KHDRBS2: variants seen among roughly 807,000 people sequenced by gnomAD.
The protein encoded by KHDRBS2 is KH RNA binding domain containing, signal transduction associated 2, also known as KH domain-containing, RNA-binding, signal transduction-associated protein 2.
Under a neutral mutation model 44.3 loss-of-function variants are expected in KHDRBS2, and 26 were observed. The ratio of observed to expected loss-of-function variants is 0.59; its 90% confidence interval spans 0.43 to 0.81. The LOEUF (loss-of-function observed/expected upper bound fraction) is 0.81. Among genes scored for constraint, KHDRBS2 ranks in the 40% least tolerant of loss-of-function variants. The pLI, the probability that KHDRBS2 is intolerant of heterozygous loss-of-function variation, is 0.00. For missense variants in KHDRBS2, 476 were observed against 433.1 expected (o/e 1.10, Z -0.88); for synonymous variants, 194 against 151.1 (o/e 1.28, Z -2.08).
chr6:61,770,973 C>A (rs1212843872), intron 6 of KHDRBS2, among the ~76,000 whole-genome samples: 1 of 152,190 alleles, frequency 6.6e-6, no homozygotes, highest in Non-Finnish European at 1.5e-5. Flanking sequence ...GCCCATCAGA[C>A]TAACAGCGGA....
chr6:61,546,476 T>A, the KHDRBS2 span, among the ~76,000 whole-genome samples: 1 of 152,120 alleles, frequency 6.6e-6, no homozygotes, highest in Middle Eastern at 3.2e-3. Flanking sequence ...AAACCAATTT[T>A]ACCATAGGCT....
intron 2 of KHDRBS2, among the ~76,000 whole-genome samples, chr6:62,083,294 G>A (rs1365961152): frequency 6.6e-6 from 1 of 152,042 alleles, no homozygotes; most frequent in Non-Finnish European, 1.5e-5. Context: ...GTTCAGCCAG[G>A]GACAGCCATA....
chr6:61,791,033 T>G (rs1784557515), intron 6 of KHDRBS2, among the ~76,000 whole-genome samples: 2 of 151,490 alleles, frequency 1.3e-5, no homozygotes, highest in South Asian at 4.1e-4. Flanking sequence ...TAATCTAAAT[T>G]TTCATATTTA....
rs1795643802 is a variant in KHDRBS2, at chr6:62,073,415, A to AT, written c.220-25422dup. ...AGGTTACTACTAATGTCCCAGTTTCATTTTTTATTTTAGTAGTTTTGTTTT... is the reference window on the plus strand; with the variant it reads ...AGGTTACTACTAATGTCCCAGTTTCATTTTTTTATTTTAGTAGTTTTGTTTT... On this transcript the variant is annotated intron_variant, in intron 2 of 8. Transcript: ENST00000281156. 7.3e-5 allele frequency among the ~76,000 whole-genome samples: 11 copies of AT among 150,546 alleles called. No individual in the cohort carries two copies. In the South Asian group the frequency reaches 2.1e-3, roughly 29 times the overall value.
At chr6:61,996,164 A>T (rs1316918010) in intron 3 of KHDRBS2, among the ~76,000 whole-genome samples, 1 of 152,212 alleles carries the variant, frequency 6.6e-6, no homozygotes. Context: ...AAGTGTTAAA[A>T]ATGTTTTAAT....
the KHDRBS2 span, among the ~76,000 whole-genome samples, chr6:61,590,513 TC>T: frequency 6.6e-6 from 1 of 152,158 alleles, no homozygotes; most frequent in Admixed American, 6.6e-5. Context: ...TATTAAAGAC[TC>T]AAACATGATA....
chr6:62,102,989 C>T (rs1261778273), intron 2 of KHDRBS2, among the ~76,000 whole-genome samples: 1 of 152,164 alleles, frequency 6.6e-6, no homozygotes, highest in African/African-American at 2.4e-5. Flanking sequence ...GTGTACCTCC[C>T]TTCCACAGGC....
chr6:61,770,881 T>C (rs1433434866), intron 6 of KHDRBS2, among the ~76,000 whole-genome samples: 1 of 152,018 alleles, frequency 6.6e-6, no homozygotes, highest in Non-Finnish European at 1.5e-5. Context: ...AGACACATAA[T>C]TGTCAGGTTC....
intron 1 of KHDRBS2, among the ~76,000 whole-genome samples, chr6:62,230,989 T>C (rs16882384): frequency 0.013 from 2,024 of 152,328 alleles, 43 homozygotes; most frequent in African/African-American, 0.046. Flanking sequence ...AGTACTAAGT[T>C]TGAACTTTAA....
intron 2 of KHDRBS2, among the ~76,000 whole-genome samples, chr6:62,122,084 G>T (rs1807795295): frequency 6.6e-6 from 1 of 152,090 alleles, no homozygotes; most frequent in Non-Finnish European, 1.5e-5. Flanking sequence ...TTTGAGTGGG[G>T]TCCAGAACAG....
intron 4 of KHDRBS2, among the ~76,000 whole-genome samples, chr6:61,915,862 A>G (rs1806897466): frequency 6.6e-6 from 1 of 151,906 alleles, no homozygotes; most frequent in Non-Finnish European, 1.5e-5. Context: ...TAAACACCTC[A>G]ATTTTACTCA....
chr6:61,790,134 T>C (rs1784409861), intron 6 of KHDRBS2, among the ~76,000 whole-genome samples: 1 of 151,338 alleles, frequency 6.6e-6, no homozygotes, highest in Non-Finnish European at 1.5e-5. Context: ...ATGAAAAACG[T>C]GTTTTCCATT....
At chr6:62,146,264 T>G (rs1296393199) in intron 2 of KHDRBS2, among the ~76,000 whole-genome samples, 1 of 151,878 alleles carries the variant, frequency 6.6e-6, no homozygotes, top group African/African-American at 2.4e-5. Flanking sequence ...CTGCTATAGC[T>G]TTTAAACTTT....
chr6:61,599,468 C>G, the KHDRBS2 span, among the ~76,000 whole-genome samples: 14 of 151,830 alleles, frequency 9.2e-5, no homozygotes, highest in Admixed American at 7.9e-4. Context: ...GTAGCCCCCC[C>G]AAAAAATTTT....
chr6:61,995,230 G>T (rs1776950630), intron 3 of KHDRBS2, among the ~76,000 whole-genome samples: 1 of 152,030 alleles, frequency 6.6e-6, no homozygotes, highest in African/African-American at 2.4e-5. Context: ...ATCACAAAAG[G>T]TACAATTAAT....
intron 1 of KHDRBS2, among the ~76,000 whole-genome samples, chr6:62,234,173 T>C (rs867509101): frequency 1.3e-5 from 2 of 152,266 alleles, no homozygotes; most frequent in Admixed American, 1.3e-4. Flanking sequence ...CACCCTTCTA[T>C]GCTTTGGAAT....
chr6:62,086,588 G>C (rs1464724428), intron 2 of KHDRBS2, among the ~76,000 whole-genome samples: 2 of 152,076 alleles, frequency 1.3e-5, no homozygotes, highest in Non-Finnish European at 2.9e-5. Context: ...GAGGTGACAA[G>C]GATTCCCCTT....
the KHDRBS2 span, among the ~76,000 whole-genome samples, chr6:61,585,599 A>G: frequency 6.6e-6 from 1 of 152,098 alleles, no homozygotes. Flanking sequence ...ACTAATAATC[A>G]TTGTGAGGAC....
chr6:62,204,299 T>TA (rs1277515894), intron 1 of KHDRBS2, among the ~76,000 whole-genome samples: 1 of 152,186 alleles, frequency 6.6e-6, no homozygotes, highest in Non-Finnish European at 1.5e-5. Flanking sequence ...ATGTCAGTGC[T>TA]AAAACTAAGA....
Sources: gnomAD v4.1 joint callset for allele counts (sites outside exome capture counted in the v4.1 genomes callset) on GRCh38, gnomAD v4.1.1 for gene constraint, MANE v1.5 for transcripts, NCBI Gene and HGNC (gene_info 2026-07-23, HGNC 2026-07-21) for gene names.